TMEM245: variants seen among roughly 807,000 people sequenced by gnomAD.
TMEM245 encodes protein CG-2.
A neutral mutation model predicts 101.2 loss-of-function variants in TMEM245; 69 were observed. The observed-to-expected ratio is 0.68, with a 90% CI of 0.56 to 0.83. The LOEUF (loss-of-function observed/expected upper bound fraction) is 0.83. Ranked by LOEUF, TMEM245 falls within the 40% of genes least tolerant of loss-of-function variation. The pLI is 0.00. For synonymous variants in TMEM245, 537 were observed against 449.8 expected, an observed-to-expected ratio of 1.19 and a Z score of -2.45; for missense variants, 1,075 against 1,092.8, an observed-to-expected ratio of 0.98 and a Z score of 0.23.
In TMEM245 at chr9:109,034,065, T is replaced by G. The variant is rs143303484; in HGVS notation, c.2400-564A>C. Among the ~76,000 whole-genome samples, 58 of 152,308 alleles carry G rather than the reference T, an allele frequency of 3.8e-4. No individual in the cohort carries two copies. The East Asian group carries it at 0.011, about 28-fold the overall frequency. On this transcript the variant is annotated intron_variant, in intron 16 of 17. Transcript: ENST00000374586. The stretch of plus-strand genomic sequence containing the variant: ...CCAAGATTTCTATTTCACAGGAGAA[T>G]CACAAATGCCCTCCAGCTTATTACA...
intron 14 of TMEM245, chr9:109,042,353 A>C (rs763433914): frequency 6.6e-6 from 1 of 152,150 alleles, no homozygotes; most frequent in Admixed American, 6.5e-5. Flanking sequence ...TTAAAGGAGA[A>C]TCTGTTTTCT....
At chr9:109,095,851 T>C (rs917859981) in intron 3 of TMEM245, among the ~76,000 whole-genome samples, 1 of 152,104 alleles carries the variant, frequency 6.6e-6, no homozygotes, top group African/African-American at 2.4e-5. Context: ...TGTAAATAAA[T>C]AATCCATTTG....
At position 109,119,927 on chromosome 9, in the gene TMEM245, C is replaced by A. The variant is rs1004874848; in HGVS notation, c.-14G>T. 4 of 1,288,712 alleles carry A rather than the reference C, an allele frequency of 3.1e-6. No homozygotes were observed. The African/African-American group carries it at 6.1e-5, about 20-fold the overall frequency. The allele number at this position is 1,288,712 out of a possible 1,614,324, so 79.8% of individuals were successfully genotyped here. A position where few individuals can be genotyped will look rare whatever the true frequency, so the allele number is the denominator to read the frequency against. The stretch of plus-strand genomic sequence containing the variant: ...GCCGTCGGCCATCGTTCCTCCGCCA[C>A]AGCCGCCCCCGAGGGGCGGTAATGG... On this transcript the variant is annotated 5_prime_UTR_variant, in exon 1 of 18. Coordinates refer to ENST00000374586, the MANE Select transcript of TMEM245 (RefSeq NM_032012.4).
At position 109,108,440 on chromosome 9, in the gene TMEM245, A is replaced by AT; in HGVS notation, c.697+12_697+13insA. The AT allele has an allele frequency of 2.2e-6, 3 of 1,384,654 alleles. No individual in the cohort carries two copies. Among genetic ancestry groups the AT allele is most frequent in the Non-Finnish European group, 2.9e-6 (3 of 1,029,462 alleles). 85.8% of individuals were successfully genotyped at this position (1,384,654 alleles called of 1,614,324 possible). A position where few individuals can be genotyped will look rare whatever the true frequency, so the allele number is the denominator to read the frequency against. ...AGACTTAAAAAAAAAAAAAAAAAAA[A>AT]GAAGGAACCCACCTAAATGAAAAAG... On this transcript the variant is annotated intron_variant, in intron 2 of 17. Transcript: ENST00000374586.
Position 109,017,984 on chromosome 9 carries a change from A to T in TMEM245, c.*2476T>A, listed in dbSNP as rs1484267241. ...AGTTTCCTGATCATAGCTGTGAAGC[A>T]CTCTGGGGCACCTCTGCTCCTGGTA... is the stretch of plus-strand genomic sequence containing the variant. On this transcript the variant is annotated 3_prime_UTR_variant, in exon 18 of 18. Coordinates refer to ENST00000374586, the MANE Select transcript of TMEM245 (RefSeq NM_032012.4). The T allele has an allele frequency of 2.0e-5, 3 of 152,088 alleles. No individual in the cohort carries two copies. The highest frequency in any genetic ancestry group is 7.2e-5 in the African/African-American group (3 of 41,414). The allele number at this position is 152,088 out of a possible 1,614,324, so 9.4% of individuals were successfully genotyped here. A position where few individuals can be genotyped will look rare whatever the true frequency, so the allele number is the denominator to read the frequency against.
At chr9:109,073,655 A>G (rs1218039344) in intron 8 of TMEM245, among the ~76,000 whole-genome samples, 1 of 152,234 alleles carries the variant, frequency 6.6e-6, no homozygotes, top group African/African-American at 2.4e-5. Context: ...CTCCCTGTTC[A>G]ACACATTACT....
chr9:109,098,882 G>C (rs1251231882), intron 3 of TMEM245, among the ~76,000 whole-genome samples: 6 of 152,174 alleles, frequency 3.9e-5, no homozygotes, highest in Non-Finnish European at 5.9e-5. Flanking sequence ...CAGAAACTCA[G>C]AGTCCGGCAC....
intron 14 of TMEM245, among the ~76,000 whole-genome samples, chr9:109,049,075 C>T (rs1223434105): frequency 6.6e-6 from 1 of 152,128 alleles, no homozygotes; most frequent in Non-Finnish European, 1.5e-5. Flanking sequence ...GTGGTGGAAG[C>T]GGGGGTTCTC....
chr9:109,019,110 A>C lies in TMEM245; in HGVS notation c.*1350T>G, dbSNP rs528558590. ...AGAGGATAGGCCTGATGATTGTTTT[A>C]AACAGTAGAAAGGGTTCAGCTAAGA... On this transcript the variant is annotated 3_prime_UTR_variant, in exon 18 of 18. Transcript: ENST00000374586. The C allele has an allele frequency of 6.6e-6, 1 of 151,976 alleles. No homozygotes were observed. Among genetic ancestry groups the C allele is most frequent in the East Asian group, 1.9e-4 (1 of 5,188 alleles). 9.4% of individuals were successfully genotyped at this position (151,976 alleles called of 1,614,324 possible).
At chr9:109,100,165 G>A (rs961892403) in intron 3 of TMEM245, among the ~76,000 whole-genome samples, 6 of 152,148 alleles carry the variant, frequency 3.9e-5, no homozygotes, top group African/African-American at 1.4e-4. Context: ...TAAGTCAACA[G>A]GACCAATATG....
rs1830838772 is a variant in TMEM245, at chr9:109,119,533, C to T, written c.381G>A (p.Pro127=). The T allele has an allele frequency of 3.3e-6, 5 of 1,529,742 alleles. No individual in the cohort carries two copies. The highest frequency in any genetic ancestry group is 2.4e-5 in the South Asian group (2 of 83,370). The allele number at this position is 1,529,742 out of a possible 1,614,324, so 94.8% of individuals were successfully genotyped here. A position where few individuals can be genotyped will look rare whatever the true frequency, so the allele number is the denominator to read the frequency against. ...CGACGCCGTAGTCGACGAAGCAGAG[C>T]GGCAGGAGCAGCGCGGCCAGGACGA... ...TPIVLAALLL[P]LCFVDYGVEA... is the part of the protein sequence containing the mutation. Residue 127 remains proline (P), a synonymous_variant, in exon 1 of 18, where the codon CCG becomes CCA. Transcript: ENST00000374586.
At chr9:109,090,843 A>C (rs1239885455) in intron 5 of TMEM245, 79 bp downstream of exon 5, 29 of 1,311,606 alleles carry the variant, frequency 2.2e-5, no homozygotes, top group Middle Eastern at 1.9e-4. Flanking sequence ...TGTATCTCAA[A>C]TATTAAAATC....
At chr9:109,088,977 G>C (rs968696805) in intron 5 of TMEM245, among the ~76,000 whole-genome samples, 6 of 152,032 alleles carry the variant, frequency 3.9e-5, no homozygotes, top group Admixed American at 6.6e-5. Context: ...TTTGAGGACA[G>C]AAGAACCACA....
In TMEM245 at chr9:109,107,430, C is replaced by T. The variant is rs369760706; in HGVS notation, c.698-821G>A. ...AAAAAAAAAAAAAGTTCACAAGTCA[C>T]CAAGAAACAGGTCCCTACCCATAAC... On this transcript the variant is annotated intron_variant, in intron 2 of 17. Coordinates refer to ENST00000374586, the MANE Select transcript of TMEM245 (RefSeq NM_032012.4). 3.0e-4 allele frequency among the ~76,000 whole-genome samples: 45 copies of T among 151,244 alleles called. 2 individuals carry two copies. The South Asian group carries it at 9.3e-3, about 31-fold the overall frequency.
At chr9:109,026,693 C>G (rs979026445) in intron 17 of TMEM245, among the ~76,000 whole-genome samples, 3 of 150,572 alleles carry the variant, frequency 2.0e-5, no homozygotes, top group African/African-American at 7.3e-5. Context: ...CCCTGCAAAT[C>G]TTATGTTAAA....
At chr9:109,030,719 G>A (rs992804847) in intron 17 of TMEM245, among the ~76,000 whole-genome samples, 12 of 152,220 alleles carry the variant, frequency 7.9e-5, no homozygotes, top group African/African-American at 2.2e-4. Context: ...CAAAATCACC[G>A]AAGCACCTCT....
chr9:109,103,243 T>C (rs1299863276), intron 3 of TMEM245, among the ~76,000 whole-genome samples: 2 of 152,148 alleles, frequency 1.3e-5, no homozygotes, highest in Non-Finnish European at 2.9e-5. Flanking sequence ...CTGAAGCTAA[T>C]AAATTCAGCA....
At chr9:109,096,497 G>C (rs546293865) in intron 3 of TMEM245, among the ~76,000 whole-genome samples, 1 of 152,282 alleles carries the variant, frequency 6.6e-6, no homozygotes, top group East Asian at 1.9e-4. Context: ...CTGGGTGACA[G>C]AGTGAGACTT....
Position 109,019,801 on chromosome 9 carries a change from T to C in TMEM245, c.*659A>G, listed in dbSNP as rs1412593810. ...GCCAAGTTTTATAATTTGGCAATAG[T>C]GTAAAGAAGCGTGAAGAGAAAAGGA... On this transcript the variant is annotated 3_prime_UTR_variant, in exon 18 of 18. Coordinates refer to ENST00000374586, the MANE Select transcript of TMEM245 (RefSeq NM_032012.4). The C allele has an allele frequency of 6.6e-6, 1 of 152,532 alleles. No homozygotes were observed. The highest frequency in any genetic ancestry group is 1.5e-5 in the Non-Finnish European group (1 of 68,062). 9.4% of individuals were successfully genotyped at this position (152,532 alleles called of 1,614,324 possible). A position where few individuals can be genotyped will look rare whatever the true frequency, so the allele number is the denominator to read the frequency against.
Sources: gnomAD v4.1 joint callset for allele counts (sites outside exome capture counted in the v4.1 genomes callset) on GRCh38, gnomAD v4.1.1 for gene constraint, MANE v1.5 for transcripts, NCBI Gene and HGNC (gene_info 2026-07-23, HGNC 2026-07-21) for gene names.